Variants in LRP5 observed in about 807,000 individuals in gnomAD.
LRP5 encodes the protein low-density lipoprotein receptor-related protein 5.
A neutral mutation model predicts 154.1 loss-of-function variants in LRP5; 62 were observed. The observed-to-expected ratio is 0.40, with a 90% CI of 0.33 to 0.50. The LOEUF (loss-of-function observed/expected upper bound fraction) is 0.50, where lower values mean the gene tolerates loss of function less well. Ranked by LOEUF, LRP5 falls within the 20% of genes least tolerant of loss-of-function variation. The probability of loss-of-function intolerance (pLI) is 0.55; values close to 1 mark genes in which losing one functional copy is unlikely to be tolerated. For missense variants in LRP5, 1,915 were observed against 2,336.7 expected, an observed-to-expected ratio of 0.82 and a Z score of 3.72; for synonymous variants, 966 against 1,011.5, an observed-to-expected ratio of 0.96 and a Z score of 0.85.
intron 13 of LRP5, among the ~76,000 whole-genome samples, chr11:68,421,030 T>G (rs1377243617): frequency 1.3e-5 from 2 of 152,072 alleles, no homozygotes; most frequent in South Asian, 2.1e-4. Context: ...ATCAAGACCA[T>G]CCTGGCCAAC....
chr11:68,394,770 C>T (rs780912935), intron 7 of LRP5, among the ~76,000 whole-genome samples: 1 of 152,130 alleles, frequency 6.6e-6, no homozygotes, highest in Non-Finnish European at 1.5e-5. Flanking sequence ...GGCCCGATTT[C>T]CCACTTTAAG....
At chr11:68,330,167 C>A (rs1234739179) in intron 1 of LRP5, among the ~76,000 whole-genome samples, 2 of 152,166 alleles carry the variant, frequency 1.3e-5, no homozygotes, top group African/African-American at 4.8e-5. Context: ...GAGATACATG[C>A]CTTCTGGGGA....
At chr11:68,406,862 T>G in intron 9 of LRP5, 49 bp downstream of exon 9, 1 of 1,594,152 alleles carries the variant, frequency 6.3e-7, no homozygotes, top group Non-Finnish European at 8.6e-7. Flanking sequence ...GGGAAAACCT[T>G]GCCTCTGTTC....
intron 3 of LRP5, among the ~76,000 whole-genome samples, chr11:68,362,901 C>T (rs1472207725): frequency 1.3e-4 from 20 of 152,094 alleles, no homozygotes; most frequent in Non-Finnish European, 2.8e-4. Context: ...CCCCCAGGCC[C>T]ACCCTCAGGG....
At chr11:68,422,138 G>C (rs1422237713) in intron 13 of LRP5, among the ~76,000 whole-genome samples, 1 of 152,048 alleles carries the variant, frequency 6.6e-6, no homozygotes, top group Non-Finnish European at 1.5e-5. Flanking sequence ...GATACAGATG[G>C]AGTCTTGCTA....
intron 5 of LRP5, among the ~76,000 whole-genome samples, chr11:68,376,285 G>T (rs772400032): frequency 3.2e-4 from 48 of 150,508 alleles, no homozygotes; most frequent in Non-Finnish European, 5.5e-4. Flanking sequence ...GAGCTCAAGC[G>T]ATTATCCTGC....
chr11:68,379,800 C>G (rs1266971532), intron 5 of LRP5, among the ~76,000 whole-genome samples: 1 of 152,176 alleles, frequency 6.6e-6, no homozygotes, highest in East Asian at 1.9e-4. Flanking sequence ...CCCCACCTTC[C>G]CTCCTTCCCC....
At chr11:68,387,177 T>C (rs2153153577) in intron 6 of LRP5, among the ~76,000 whole-genome samples, 2 of 151,114 alleles carry the variant, frequency 1.3e-5, no homozygotes, top group South Asian at 4.2e-4. Flanking sequence ...TGCAGTGGTG[T>C]GATCTCAGCT....
intron 7 of LRP5, among the ~76,000 whole-genome samples, chr11:68,401,869 T>G (rs575277365): frequency 6.6e-6 from 1 of 152,180 alleles, no homozygotes; most frequent in Non-Finnish European, 1.5e-5. Context: ...TTTTTTGTAC[T>G]TTTAGTAGAG....
chr11:68,354,527 T>C (rs996608184), intron 2 of LRP5, among the ~76,000 whole-genome samples: 1 of 152,246 alleles, frequency 6.6e-6, no homozygotes, highest in Non-Finnish European at 1.5e-5. Flanking sequence ...GTCTGGGCTC[T>C]GTCCAGGCTC....
rs1323032139 is a variant in LRP5, at chr11:68,448,834, C to T, written c.4612C>T (p.Pro1538Ser). The T allele has an allele frequency of 6.2e-7, 1 of 1,608,824 alleles. No homozygotes were observed. The highest frequency in any genetic ancestry group is 8.5e-7 in the Non-Finnish European group (1 of 1,179,984). ...YRPYIIRGMA[P>S]PTTPCSTDVC... Reference sequence around the variant, plus strand: ...GCCCTACATCATTCGAGGAATGGCGCCCCCGACGACGCCCTGCAGCACCGA... The same window carrying T: ...GCCCTACATCATTCGAGGAATGGCGTCCCCGACGACGCCCTGCAGCACCGA... Residue 1538 changes from proline (P) to serine (S), a missense_variant, in exon 23 of 23, where the codon CCC (proline) becomes TCC (serine). By Grantham distance (74) the Pro-to-Ser change is moderately conservative. This residue lies in a region of LRP5 where 1,094 missense variants were observed against 1,210.1 expected (regional missense o/e 0.90). Transcript: ENST00000294304.
chr11:68,426,667 C>G (rs1297688002), intron 16 of LRP5, among the ~76,000 whole-genome samples: 1 of 152,128 alleles, frequency 6.6e-6, no homozygotes, highest in African/African-American at 2.4e-5. Context: ...AAGCTATCTG[C>G]CTGCTGTGGC....
intron 1 of LRP5, among the ~76,000 whole-genome samples, chr11:68,323,135 G>A (rs2098597680): frequency 6.6e-6 from 1 of 152,314 alleles, no homozygotes; most frequent in Non-Finnish European, 1.5e-5. Flanking sequence ...TTGAGATGGA[G>A]TCTCGTTCTG....
chr11:68,377,453 A>G (rs574313777), intron 5 of LRP5, among the ~76,000 whole-genome samples: 23 of 152,256 alleles, frequency 1.5e-4, no homozygotes, highest in Non-Finnish European at 2.9e-5. Context: ...CTCAGGTTCC[A>G]GCAGAGCCAG....
rs570182699 is a variant in LRP5 at position 68,430,380 on chromosome 11, G to A, written c.3763+680G>A. Among the ~76,000 whole-genome samples the A allele has an allele frequency of 4.1e-3, 625 of 152,266 alleles. 2 individuals are homozygous for A. Among genetic ancestry groups the A allele is most frequent in the Non-Finnish European group, 6.4e-3 (432 of 68,014 alleles). Reference sequence around the variant, plus strand: ...GTAGAGACGGGGTTTCACCATGTTGGTCAGGCTGGTCTCGAACTCCTGACC... The same window carrying A: ...GTAGAGACGGGGTTTCACCATGTTGATCAGGCTGGTCTCGAACTCCTGACC... On this transcript the variant is annotated intron_variant, in intron 17 of 22. Coordinates refer to ENST00000294304, the MANE Select transcript of LRP5 (RefSeq NM_002335.4).
chr11:68,433,537 C>G, intron 17 of LRP5, 65 bp from the exon 18 acceptor site: 1 of 1,399,022 alleles, frequency 7.1e-7, no homozygotes, highest in African/African-American at 1.4e-5. Flanking sequence ...GAAGCCCAGT[C>G]ACGCCATTGC....
At chr11:68,316,133 G>A (rs143908948) in intron 1 of LRP5, among the ~76,000 whole-genome samples, 25 of 152,228 alleles carry the variant, frequency 1.6e-4, no homozygotes, top group African/African-American at 5.5e-4. Flanking sequence ...AACACCAGTC[G>A]ACTTTCTGCC....
intron 1 of LRP5, among the ~76,000 whole-genome samples, chr11:68,326,208 G>A (rs554043809): frequency 2.0e-4 from 30 of 152,320 alleles, no homozygotes; most frequent in African/African-American, 6.0e-4. Flanking sequence ...CTTCGGGTGC[G>A]CCTCCCCTGG....
rs201530801 is a variant in LRP5 at position 68,433,631 on chromosome 11, G to T, written c.3793G>T (p.Ala1265Ser). 1.2e-6 allele frequency: 2 copies of T among 1,613,560 alleles called. No individual in the cohort carries two copies. Among genetic ancestry groups the T allele is most frequent in the Non-Finnish European group, 1.7e-6 (2 of 1,180,006 alleles). ...GCCCACCTGCTCCCCGGACCAGTTT[G>T]CATGTGCCACAGGGGAGATCGACTG... The part of the protein sequence containing the change: ...EPPTCSPDQF[A>S]CATGEIDCIP... The change falls in exon 18 of 23, where the codon GCA becomes TCA. Residue 1265 changes from alanine to serine, a missense_variant. Coordinates refer to ENST00000294304, the MANE Select transcript of LRP5 (RefSeq NM_002335.4).
Sources: allele counts gnomAD v4.1 joint callset (sites outside exome capture counted in the v4.1 genomes callset), GRCh38; gene constraint gnomAD v4.1.1; regional missense constraint gnomAD v4.1.1; transcripts MANE v1.5; gene names NCBI Gene and HGNC (gene_info 2026-07-23, HGNC 2026-07-21).